CNKSR2: variants seen among roughly 807,000 people sequenced by gnomAD.
CNKSR2 encodes connector enhancer of kinase suppressor of Ras 2.
In CNKSR2, 14 loss-of-function variants were observed where a neutral mutation model predicts 84.4. The observed-to-expected ratio is 0.17, with a 90% CI of 0.11 to 0.26. CNKSR2 has a LOEUF of 0.26. Ranked by LOEUF, CNKSR2 falls within the 10% of genes least tolerant of loss-of-function variation. The pLI, the probability that CNKSR2 is intolerant of heterozygous loss-of-function variation, is 1.00. For synonymous variants in CNKSR2, 275 were observed against 277.9 expected, an observed-to-expected ratio of 0.99 and a Z score of 0.10; for missense variants, 485 against 771.2, an observed-to-expected ratio of 0.63 and a Z score of 4.40.
chrX:21,622,892 A>T (rs893837873), intron 20 of CNKSR2, among the ~76,000 whole-genome samples: 1 of 111,657 alleles, frequency 9.0e-6, no homozygotes, highest in Admixed American at 9.5e-5. Flanking sequence ...AATTGATTCA[A>T]CTTTTAGCCT....
intron 3 of CNKSR2, among the ~76,000 whole-genome samples, chrX:21,433,891 ATAAT>A (rs1259745858): frequency 9.0e-6 from 1 of 111,036 alleles, no homozygotes; most frequent in African/African-American, 3.3e-5. Context: ...TAGCTTTTTG[ATAAT>A]TAATTAATGG....
At chrX:21,402,446 T>G (rs183055748) in intron 1 of CNKSR2, among the ~76,000 whole-genome samples, 2 of 111,515 alleles carry the variant, frequency 1.8e-5, no homozygotes. Flanking sequence ...TTTGTATGAT[T>G]TTTTCATTTT....
At chrX:21,470,604 C>A in intron 4 of CNKSR2, 162 bp from the exon 5 acceptor site, 1 of 274,407 alleles carries the variant, frequency 3.6e-6, no homozygotes, top group Non-Finnish European at 6.5e-6. Flanking sequence ...CAGAGCTAAC[C>A]ATTATTAATA....
At chrX:21,549,177 C>T (rs1178058576) in intron 11 of CNKSR2, among the ~76,000 whole-genome samples, 1 of 112,251 alleles carries the variant, frequency 8.9e-6, no homozygotes, top group African/African-American at 3.2e-5. Context: ...AAAACCCCAT[C>T]GTCTCAGTCC....
intron 10 of CNKSR2, among the ~76,000 whole-genome samples, chrX:21,528,386 C>T (rs1361467915): frequency 1.8e-5 from 2 of 111,216 alleles, no homozygotes; most frequent in Non-Finnish European, 3.8e-5. Flanking sequence ...CTTCAGAGGG[C>T]TACATACACA....
intron 1 of CNKSR2, among the ~76,000 whole-genome samples, chrX:21,399,319 C>G (rs2090158815): frequency 9.0e-6 from 1 of 111,100 alleles, no homozygotes; most frequent in Admixed American, 9.6e-5. Context: ...TGGCTACTTT[C>G]TGAGTATATA....
intron 13 of CNKSR2, among the ~76,000 whole-genome samples, chrX:21,578,103 A>T (rs1051224627): frequency 1.8e-5 from 2 of 111,523 alleles, no homozygotes; most frequent in African/African-American, 6.5e-5. Flanking sequence ...GATACTGCTA[A>T]ATCTGTCTCT....
intron 18 of CNKSR2, among the ~76,000 whole-genome samples, chrX:21,604,430 C>T (rs977681786): frequency 2.7e-5 from 3 of 110,496 alleles, no homozygotes; most frequent in Admixed American, 9.6e-5. Context: ...CAAACCTGCA[C>T]GTTGTGCACA....
intron 6 of CNKSR2, chrX:21,494,000 T>TAA (rs1446871897): frequency 1.8e-5 from 2 of 111,822 alleles, no homozygotes; most frequent in Non-Finnish European, 1.9e-5. Flanking sequence ...TCTAAGCATT[T>TAA]AAAATTTTTA....
At chrX:21,494,053 T>A (rs770846508) in intron 6 of CNKSR2, 2 of 111,605 alleles carry the variant, frequency 1.8e-5, no homozygotes, top group Admixed American at 1.9e-4. Flanking sequence ...TGTACAATGT[T>A]GTCATGATGA....
intron 13 of CNKSR2, among the ~76,000 whole-genome samples, chrX:21,579,113 A>G (rs1004806837): frequency 1.1e-4 from 12 of 112,356 alleles, no homozygotes; most frequent in African/African-American, 3.9e-4. Flanking sequence ...TATCAGCTGC[A>G]GCAGTGACTG....
chrX:21,556,758 G>A (rs1314202059), intron 11 of CNKSR2, among the ~76,000 whole-genome samples: 3 of 110,134 alleles, frequency 2.7e-5, no homozygotes, highest in African/African-American at 9.9e-5. Flanking sequence ...AAGAATTGGG[G>A]GCTACAAATA....
chrX:21,456,822 C>T (rs1197702390), intron 4 of CNKSR2, among the ~76,000 whole-genome samples: 1 of 111,505 alleles, frequency 9.0e-6, no homozygotes, highest in Non-Finnish European at 1.9e-5. Flanking sequence ...TACCAATTTA[C>T]GTTTCCACCA....
chrX:21,566,433 T>C (rs1190170892), intron 13 of CNKSR2, among the ~76,000 whole-genome samples: 1 of 111,969 alleles, frequency 8.9e-6, no homozygotes, highest in Non-Finnish European at 1.9e-5. Context: ...TATGTTAAAT[T>C]TTCCTGAAAA....
At chrX:21,610,525 A>G (rs2092545147) in intron 20 of CNKSR2, among the ~76,000 whole-genome samples, 1 of 112,394 alleles carries the variant, frequency 8.9e-6, no homozygotes, top group South Asian at 3.7e-4. Flanking sequence ...GAAATAGTAT[A>G]AAACTGTTCA....
chrX:21,627,167 C>T (rs2092627453), intron 20 of CNKSR2, among the ~76,000 whole-genome samples: 1 of 110,993 alleles, frequency 9.0e-6, no homozygotes, highest in Non-Finnish European at 1.9e-5. Context: ...TGCACGTGAG[C>T]GTGTATTAGT....
chrX:21,632,269 C>T (rs1016534877), intron 20 of CNKSR2, among the ~76,000 whole-genome samples: 2 of 111,576 alleles, frequency 1.8e-5, no homozygotes, highest in Admixed American at 1.9e-4. Flanking sequence ...GAGCAATGTA[C>T]CACAGTTCTT....
intron 4 of CNKSR2, among the ~76,000 whole-genome samples, chrX:21,463,293 C>G (rs935750682): frequency 9.0e-6 from 1 of 110,892 alleles, no homozygotes; most frequent in African/African-American, 3.3e-5. Context: ...AGTTTTCTTT[C>G]TTTGGTGTGT....
In CNKSR2 at chrX:21,635,378, A is replaced by ATG. The variant is rs74314224; in HGVS notation, c.2693-13423_2693-13422dup. Among the ~76,000 whole-genome samples the ATG allele has an allele frequency of 9.8e-3, 928 of 94,698 alleles. 7 individuals are homozygous for ATG. Among genetic ancestry groups the ATG allele is most frequent in the East Asian group, 0.023 (71 of 3,065 alleles). 82.2% of individuals were successfully genotyped at this position (94,698 alleles called of 115,157 possible). On this transcript the variant is annotated intron_variant, in intron 20 of 21. Transcript: ENST00000379510. ...CAGTCTGAAATTTGATCTAAAATAAATGTGTGTGTGTGTGTGTGTGTGTGT... is the reference window on the plus strand; with the variant it reads ...CAGTCTGAAATTTGATCTAAAATAAATGTGTGTGTGTGTGTGTGTGTGTGTGT...
Sources: allele counts gnomAD v4.1 joint callset (sites outside exome capture counted in the v4.1 genomes callset), GRCh38; gene constraint gnomAD v4.1.1; transcripts MANE v1.5; gene names NCBI Gene and HGNC (gene_info 2026-07-23, HGNC 2026-07-21).